SLC6A12: variants seen among roughly 807,000 people sequenced by gnomAD.
SLC6A12 encodes the protein sodium- and chloride-dependent betaine transporter.
Under a neutral mutation model 73.3 loss-of-function variants are expected in SLC6A12, and 50 were observed. The observed-to-expected ratio is 0.68, with a 90% confidence interval of 0.54 to 0.86. The LOEUF (loss-of-function observed/expected upper bound fraction) is 0.86. Among genes scored for constraint, SLC6A12 ranks in the 40% least tolerant of loss-of-function variants. The pLI is 0.00. For synonymous variants in SLC6A12, 304 were observed against 309.2 expected (o/e 0.98, Z 0.18); for missense variants, 648 against 772.8 (o/e 0.84, Z 1.92).
intron 6 of SLC6A12, chr12:201,515 G>C: frequency 6.0e-6 from 3 of 497,838 alleles, no homozygotes; most frequent in Non-Finnish European, 7.3e-6. Flanking sequence ...GCAGACACAC[G>C]CATGGAGGTA....
At chr12:203,442 G>GC (rs1940414761) in intron 4 of SLC6A12, 1 of 152,120 alleles carries the variant, frequency 6.6e-6, no homozygotes, top group Admixed American at 6.6e-5. Flanking sequence ...GCCCACCCTG[G>GC]CAAGGACGGG....
At chr12:196,944 C>T (rs901710412) in intron 10 of SLC6A12, 62 bp from the exon 11 acceptor site, 12 of 1,162,702 alleles carry the variant, frequency 1.0e-5, no homozygotes, top group African/African-American at 7.6e-5. Flanking sequence ...GGGGAAGAGG[C>T]GTCTCTCTAA....
At chr12:187,768 T>C (rs1565461443), downstream of SLC6A12, among the ~76,000 whole-genome samples, 1 of 152,092 alleles carries the variant, frequency 6.6e-6, no homozygotes. Flanking sequence ...AGAGAGCCGA[T>C]TGGTCCATTT....
chr12:198,627 A>C lies in SLC6A12; in HGVS notation c.846+170T>G. The C allele has an allele frequency of 1.6e-6, 1 of 638,702 alleles. No individual in the cohort carries two copies. The highest frequency in any genetic ancestry group is 2.7e-5 in the South Asian group (1 of 37,074). The allele number at this position is 638,702 out of a possible 1,614,324, so 39.6% of individuals were successfully genotyped here. ...GTTATATTTGAGTGGTGGAATTACA[A>C]GAGATTTTTTTAGTTTCTTTTTTAT... On this transcript the variant is annotated intron_variant, in intron 8 of 15. Coordinates refer to ENST00000684302, the MANE Select transcript of SLC6A12 (RefSeq NM_001122848.3). This position sits in a 1 kb window ranked among gnomAD's most constrained non-coding sequence, Gnocchi z 4.0.
chr12:200,928 G>T, intron 6 of SLC6A12, 145 bp from the exon 7 acceptor site: 1 of 755,222 alleles, frequency 1.3e-6, no homozygotes, highest in Non-Finnish European at 2.1e-6. Flanking sequence ...CCCACAGTCA[G>T]GCCATGTTCC....
chr12:187,403 G>A (rs373962547), downstream of SLC6A12, among the ~76,000 whole-genome samples: 2 of 151,880 alleles, frequency 1.3e-5, no homozygotes, highest in East Asian at 3.9e-4. Flanking sequence ...GAGTGAAACT[G>A]CGGACCTTCG....
At chr12:204,495 G>A (rs1940515493) in intron 4 of SLC6A12, 69 bp downstream of exon 4, 3 of 1,461,236 alleles carry the variant, frequency 2.1e-6, no homozygotes, top group Non-Finnish European at 2.9e-6. Context: ...GGGTAGGCAG[G>A]GAGAGACCAT....
intron 13 of SLC6A12, 96 bp downstream of exon 13, chr12:195,129 G>C: frequency 3.9e-6 from 3 of 763,926 alleles, no homozygotes; most frequent in Non-Finnish European, 4.7e-6. Flanking sequence ...GAAACCAGGG[G>C]ACCAGAGAAC....
rs770839785 is a variant in SLC6A12, at chr12:202,719, A to G, written c.490+21T>C. On this transcript the variant is annotated intron_variant, in intron 5 of 15. Transcript: ENST00000684302. The stretch of plus-strand genomic sequence containing the variant: ...CCCAGCCCCTAACAGGCAACATCCC[A>G]GGGGCTGAAATGATGGATACCTGTG... The G allele has an allele frequency of 3.7e-6, 6 of 1,608,724 alleles. No individual in the cohort carries two copies. The East Asian group carries it at 8.9e-5, about 24-fold the overall frequency.
intron 14 of SLC6A12, 33 bp from the exon 15 acceptor site, chr12:192,681 TA>T (rs1565465213): frequency 5.0e-6 from 8 of 1,607,028 alleles, no homozygotes; most frequent in Middle Eastern, 1.7e-4. Flanking sequence ...ATGGGTAAGA[TA>T]GGGGGCGACT....
At chr12:206,881 T>G (rs1198704713) in intron 3 of SLC6A12, among the ~76,000 whole-genome samples, 1 of 152,224 alleles carries the variant, frequency 6.6e-6, no homozygotes, top group Non-Finnish European at 1.5e-5. Flanking sequence ...ACGGGACTCC[T>G]TCCCACCTGT....
rs1565466960 is a variant in SLC6A12, at chr12:195,201, CCCACCCCACT to C, written c.1429+14_1429+23del. 6.7e-6 allele frequency: 7 copies of C among 1,048,170 alleles called. No individual in the cohort carries two copies. The highest frequency in any genetic ancestry group is 1.7e-5 in the Admixed American group (1 of 58,266). The allele number at this position is 1,048,170 out of a possible 1,614,324, so 64.9% of individuals were successfully genotyped here. On this transcript the variant is annotated intron_variant, in intron 13 of 15. Transcript: ENST00000684302. ...GACGGTCTTTCTCCCACCCTGCTTTCCCACCCCACTCCACCCCACTCACCATACACCCAGC... is the reference window on the plus strand; with the variant it reads ...GACGGTCTTTCTCCCACCCTGCTTTCCCACCCCACTCACCATACACCCAGC...
At chr12:189,555 C>T (rs773219346), downstream of SLC6A12, among the ~76,000 whole-genome samples, 1 of 152,136 alleles carries the variant, frequency 6.6e-6, no homozygotes, top group South Asian at 2.1e-4. Context: ...AGCCCCTGGG[C>T]GGGGGGTCCA....
At position 209,815 on chromosome 12, in the gene SLC6A12, T is replaced by C. The variant is rs556752020; in HGVS notation, c.172A>G (p.Asn58Asp). 1.2e-6 allele frequency: 2 copies of C among 1,614,044 alleles called. No individual in the cohort carries two copies. Among genetic ancestry groups the C allele is most frequent in the Admixed American group, 1.7e-5 (1 of 60,002 alleles). The change falls in exon 3 of 16, where the codon AAT becomes GAT. Residue 58 changes from asparagine to aspartate, a missense_variant. Transcript: ENST00000684302. ...CAGAGATAGGGAAACCTCCAGACATTGCCCAGCCCAATGATCTCCCCGGCC... is the reference window on the plus strand; with the variant it reads ...CAGAGATAGGGAAACCTCCAGACATCGCCCAGCCCAATGATCTCCCCGGCC... ...SVAGEIIGLG[N>D]VWRFPYLCYK...
chr12:183,856 C>A, the SLC6A12 span, among the ~76,000 whole-genome samples: 4 of 151,798 alleles, frequency 2.6e-5, no homozygotes, highest in South Asian at 8.4e-4. Context: ...GATGATTTTA[C>A]AAAATTCTAC....
At chr12:197,265 C>T (rs1226344271) in intron 10 of SLC6A12, 112 bp downstream of exon 10, 2 of 1,252,656 alleles carry the variant, frequency 1.6e-6, no homozygotes, top group Non-Finnish European at 2.2e-6. Context: ...AACCTACTAC[C>T]CATAAATAAA....
At chr12:211,768 A>ATAG (rs2137220569) in intron 2 of SLC6A12, among the ~76,000 whole-genome samples, 2 of 152,360 alleles carry the variant, frequency 1.3e-5, no homozygotes, top group South Asian at 4.1e-4. Flanking sequence ...AATGCACCAG[A>ATAG]TAGGAAACCC....
rs114536994 is a variant in SLC6A12, at chr12:204,278, G to A, written c.349+286C>T. 20,992 of 386,958 alleles carry A rather than the reference G, an allele frequency of 0.054. 754 individuals are homozygous for A. The highest frequency in any genetic ancestry group is 0.11 in the East Asian group (2,260 of 21,286). The allele number at this position is 386,958 out of a possible 1,614,324, so 24.0% of individuals were successfully genotyped here. A position where few individuals can be genotyped will look rare whatever the true frequency, so the allele number is the denominator to read the frequency against. On this transcript the variant is annotated intron_variant, in intron 4 of 15. Coordinates refer to ENST00000684302, the MANE Select transcript of SLC6A12 (RefSeq NM_001122848.3). ...AAGCTTCACTCGGCTCCAGCCCCTC[G>A]CTTCTGCCCCTGCAGGGGTCCCATG...
chr12:197,288 T>C (rs1939970224), intron 10 of SLC6A12, 89 bp downstream of exon 10: 2 of 1,424,640 alleles, frequency 1.4e-6, no homozygotes, highest in Non-Finnish European at 1.9e-6. Flanking sequence ...ATATTGCCCA[T>C]CTTCTGGGAC....
Sources: allele counts gnomAD v4.1 joint callset (sites outside exome capture counted in the v4.1 genomes callset), GRCh38; gene constraint gnomAD v4.1.1; non-coding constraint Gnocchi (gnomAD v3.1); transcripts MANE v1.5; gene names NCBI Gene and HGNC (gene_info 2026-07-23, HGNC 2026-07-21).